CHRNA3: variants seen among roughly 807,000 people sequenced by gnomAD.
CHRNA3 encodes neuronal acetylcholine receptor subunit alpha-3.
A neutral mutation model predicts 41.9 loss-of-function variants in CHRNA3; 34 were observed. The observed-to-expected ratio is 0.81, with a 90% CI of 0.62 to 1.08. The LOEUF (loss-of-function observed/expected upper bound fraction) is 1.08. Among genes scored for constraint, CHRNA3 ranks in the 50% least tolerant of loss-of-function variants. CHRNA3 has a pLI of 0.00. For synonymous variants in CHRNA3, 281 were observed against 265.2 expected, an observed-to-expected ratio of 1.06 and a Z score of -0.58; for missense variants, 542 against 638.3, an observed-to-expected ratio of 0.85 and a Z score of 1.63.
At chr15:78,603,707 G>A (rs1220152766) in intron 4 of CHRNA3, among the ~76,000 whole-genome samples, 9 of 152,164 alleles carry the variant, frequency 5.9e-5, no homozygotes, top group Admixed American at 5.9e-4. Flanking sequence ...CTGGGTCTCG[G>A]TTGAGCAGGA....
rs1412136241 is a variant in CHRNA3, at chr15:78,612,889, C to G, written c.377+4135G>C. Among the ~76,000 whole-genome samples the G allele has an allele frequency of 3.3e-5, 5 of 150,000 alleles. No individual in the cohort carries two copies. In the South Asian group the frequency reaches 1.1e-3, roughly 32 times the overall value. ...AATTTACAAGAAAAAAACAAACAAC[C>G]CCATCAAAAAGTGGGTGAAGGATAT... On this transcript the variant is annotated intron_variant, in intron 4 of 5. Coordinates refer to ENST00000326828, the MANE Select transcript of CHRNA3 (RefSeq NM_000743.5).
Position 78,601,805 on chromosome 15 carries a change from G to C in CHRNA3, c.837C>G (p.Val279=). ...CGEKVTLCIS[V]LLSLTVFLLV... is the part of the protein sequence containing the mutation. ...GGAGAAACACCGTCAGGGAGAGGAG[G>C]ACAGAAATGCACAGGGTCACCTTCT... The change falls in exon 5 of 6, where the codon GTC becomes GTG. Residue 279 remains valine (V), a synonymous_variant. Transcript: ENST00000326828. 1 of 1,614,108 alleles carries C rather than the reference G, an allele frequency of 6.2e-7. No homozygotes were observed. The highest frequency in any genetic ancestry group is 1.6e-4 in the Middle Eastern group (1 of 6,062).
chr15:78,604,094 G>T (rs1165375111), intron 4 of CHRNA3, among the ~76,000 whole-genome samples: 2 of 152,142 alleles, frequency 1.3e-5, no homozygotes, highest in Non-Finnish European at 2.9e-5. Context: ...CAGAGCCCAG[G>T]GTCTGGTCCA....
chr15:78,608,780 T>G (rs1171792737), intron 4 of CHRNA3, among the ~76,000 whole-genome samples: 1 of 151,680 alleles, frequency 6.6e-6, no homozygotes, highest in East Asian at 1.9e-4. Flanking sequence ...ACCAAAATAC[T>G]CCAAGCTACA....
chr15:78,609,175 C>G (rs551973828), intron 4 of CHRNA3, among the ~76,000 whole-genome samples: 4,952 of 152,180 alleles, frequency 0.033, 276 homozygotes, highest in African/African-American at 0.11. Flanking sequence ...TCCAGGAGAA[C>G]TTCCCCAATC....
At position 78,596,165 on chromosome 15, in the gene CHRNA3, C is replaced by T. The variant is rs78471573; in HGVS notation, c.*439G>A. On this transcript the variant is annotated 3_prime_UTR_variant, in exon 6 of 6. Coordinates refer to ENST00000326828, the MANE Select transcript of CHRNA3 (RefSeq NM_000743.5). The stretch of plus-strand genomic sequence containing the variant: ...GAAATGCATGGTAAGAAATGGGTAA[C>T]GATGGGGGATTGCTGAATTAGTATA... 157 of 981,716 alleles carry T rather than the reference C, an allele frequency of 1.6e-4. 1 individual carries two copies. The highest frequency in any genetic ancestry group is 1.0e-3 in the Middle Eastern group (2 of 1,912). 60.8% of individuals were successfully genotyped at this position (981,716 alleles called of 1,614,324 possible).
At chr15:78,598,174 C>T (rs376374960) in intron 5 of CHRNA3, among the ~76,000 whole-genome samples, 5 of 152,106 alleles carry the variant, frequency 3.3e-5, no homozygotes, top group Admixed American at 6.6e-5. Context: ...ATTCCATGAC[C>T]GCTCTTAGCC....
chr15:78,618,001 C>G (rs992213617), intron 3 of CHRNA3, among the ~76,000 whole-genome samples: 3 of 152,194 alleles, frequency 2.0e-5, no homozygotes, highest in Admixed American at 2.0e-4. Context: ...AACCCCAGCA[C>G]TTTGGGAGGC....
intron 5 of CHRNA3, among the ~76,000 whole-genome samples, chr15:78,600,209 G>C (rs569317523): frequency 2.6e-4 from 39 of 152,050 alleles, no homozygotes; most frequent in Non-Finnish European, 4.9e-4. Context: ...TGAGTAGCTG[G>C]AACTACAGGC....
chr15:78,607,605 A>C (rs1231895823), intron 4 of CHRNA3: 1 of 152,474 alleles, frequency 6.6e-6, no homozygotes, highest in Non-Finnish European at 1.5e-5. Flanking sequence ...AAAATGGCCA[A>C]ATAGGAACAG....
chr15:78,593,275 A>G, downstream of CHRNA3: 2 of 1,583,576 alleles, frequency 1.3e-6, no homozygotes, highest in Non-Finnish European at 1.7e-6. Flanking sequence ...GGACTGAAGT[A>G]TACATTTAGT....
rs200685765 is a variant in CHRNA3 at position 78,595,545 on chromosome 15, T to G, written c.*1059A>C. 7.4e-6 allele frequency: 2 copies of G among 271,758 alleles called. No individual in the cohort carries two copies. The highest frequency in any genetic ancestry group is 1.1e-5 in the Non-Finnish European group (2 of 177,672). The allele number at this position is 271,758 out of a possible 1,614,324, so 16.8% of individuals were successfully genotyped here. On this transcript the variant is annotated 3_prime_UTR_variant, in exon 6 of 6. Coordinates refer to ENST00000326828, the MANE Select transcript of CHRNA3 (RefSeq NM_000743.5). ...TCATAACTGGTGAAGAAGCAAGGTATGTCATTGGCATCTAGTGAGTTGAGG... is the reference window on the plus strand; with the variant it reads ...TCATAACTGGTGAAGAAGCAAGGTAGGTCATTGGCATCTAGTGAGTTGAGG...
chr15:78,616,390 CA>C (rs1242043410), intron 4 of CHRNA3, among the ~76,000 whole-genome samples: 2 of 134,472 alleles, frequency 1.5e-5, no homozygotes, highest in East Asian at 5.3e-4. Flanking sequence ...CCTTGGTAAC[CA>C]TGCCAGTCAG....
chr15:78,613,775 AC>A, intron 4 of CHRNA3, among the ~76,000 whole-genome samples: 1 of 89,162 alleles, frequency 1.1e-5, no homozygotes, highest in African/African-American at 6.4e-5. Flanking sequence ...CAAAAAAAAA[AC>A]CAAAAAAAAC....
At position 78,602,974 on chromosome 15, in the gene CHRNA3, C is replaced by T. The variant is rs545548686; in HGVS notation, c.378-710G>A. Reference sequence around the variant, plus strand: ...CCCATTTTCTCCCCATGTTTCTTCTCCCTTCCTTTTCACTATGTGCATCCT... The same window carrying T: ...CCCATTTTCTCCCCATGTTTCTTCTTCCTTCCTTTTCACTATGTGCATCCT... On this transcript the variant is annotated intron_variant, in intron 4 of 5. Transcript: ENST00000326828. Among the ~76,000 whole-genome samples, 4 of 152,272 alleles carry T rather than the reference C, an allele frequency of 2.6e-5. No individual in the cohort carries two copies. In the East Asian group the frequency reaches 7.7e-4, roughly 29 times the overall value.
At chr15:78,619,155 G>A (rs2053511934) in intron 1 of CHRNA3, 4 of 569,120 alleles carry the variant, frequency 7.0e-6, no homozygotes, top group Non-Finnish European at 1.3e-5. Context: ...TGCAAGCCTG[G>A]GCTCTGGAGT....
chr15:78,593,291 C>A, downstream of CHRNA3: 1 of 1,529,874 alleles, frequency 6.5e-7, no homozygotes, highest in Non-Finnish European at 8.8e-7. Context: ...TTAGTTAACA[C>A]ACATATATCT....
Position 78,602,095 on chromosome 15 carries a change from C to T in CHRNA3, c.547G>A (p.Asp183Asn), listed in dbSNP as rs934273238. The T allele has an allele frequency of 1.5e-5, 25 of 1,614,134 alleles. No homozygotes were observed. The highest frequency in any genetic ancestry group is 2.1e-5 in the Non-Finnish European group (25 of 1,180,024). Residue 183 changes from aspartate to asparagine, a missense_variant, in exon 5 of 6, where the codon GAT becomes AAT. Coordinates refer to ENST00000326828, the MANE Select transcript of CHRNA3 (RefSeq NM_000743.5). ...AGGACCAGATCGATTTTCGCCTTAT[C>T]GTAGGACCAGGAACCGAACTTCATG... Reference protein sequence around the residue: ...CTMKFGSWSYDKAKIDLVLIG... With the variant: ...CTMKFGSWSYNKAKIDLVLIG...
chr15:78,593,266 G>T (rs2053041709), downstream of CHRNA3: 3 of 1,598,506 alleles, frequency 1.9e-6, no homozygotes, highest in South Asian at 2.3e-5. Flanking sequence ...CCTCCCAAGG[G>T]ACTGAAGTAT....
Sources: allele counts gnomAD v4.1 joint callset (sites outside exome capture counted in the v4.1 genomes callset), GRCh38; gene constraint gnomAD v4.1.1; transcripts MANE v1.5; gene names NCBI Gene and HGNC (gene_info 2026-07-23, HGNC 2026-07-21).